The following KMT2E variants were observed in gnomAD, a reference collection of about 807,000 sequenced individuals.
KMT2E encodes histone reader KMT2E.
Under a neutral mutation model 184.6 loss-of-function variants are expected in KMT2E, and 30 were observed. The observed-to-expected ratio is 0.16, with a 90% confidence interval of 0.12 to 0.22. The LOEUF is 0.22. KMT2E is among the 10% of genes least tolerant of loss of function. KMT2E has a pLI of 1.00. For synonymous variants in KMT2E, 815 were observed against 776.5 expected (o/e 1.05, Z -0.82); for missense variants, 2,023 against 2,237.4 (o/e 0.90, Z 1.93).
chr7:105,017,640 TGAAA>T (rs1219244846), intron 1 of KMT2E, among the ~76,000 whole-genome samples: 4 of 152,192 alleles, frequency 2.6e-5, no homozygotes, highest in Admixed American at 6.5e-5. Flanking sequence ...CAGAGAGTTT[TGAAA>T]GAATTTGGTT....
Position 105,110,807 on chromosome 7 carries a change from A to G in KMT2E, c.4007A>G (p.Asn1336Ser), listed in dbSNP as rs1799203769. 6.2e-7 allele frequency: 1 copy of G among 1,614,124 alleles called. No individual in the cohort carries two copies. Among genetic ancestry groups the G allele is most frequent in the Non-Finnish European group, 8.5e-7 (1 of 1,179,968 alleles). ...GAAAATCCAGAACCCACAACTACGA[A>G]TGAATGTCCATCCCCAGATACTTCT... ...DPENPEPTTT[N>S]ECPSPDTSQN... is the part of the protein sequence containing the mutation. Residue 1336 changes from asparagine to serine, a missense_variant, in exon 26 of 27, where the codon AAT becomes AGT. Physicochemically the swap from Asn to Ser is conservative, Grantham distance 46 (BLOSUM62 1). Around this residue, in one of 8 missense-constraint regions of KMT2E, gnomAD observed 1,108 missense variants for 1,050.9 expected, o/e 1.05. Coordinates refer to ENST00000311117, the MANE Select transcript of KMT2E (RefSeq NM_182931.3).
At chr7:105,093,306 G>A (rs1421169384) in intron 15 of KMT2E, among the ~76,000 whole-genome samples, 1 of 152,148 alleles carries the variant, frequency 6.6e-6, no homozygotes, top group Non-Finnish European at 1.5e-5. Flanking sequence ...TTTGTATGGG[G>A]CTACTTTAAA....
chr7:105,083,107 CT>C (rs1238108410), intron 13 of KMT2E, among the ~76,000 whole-genome samples: 1 of 152,122 alleles, frequency 6.6e-6, no homozygotes, highest in East Asian at 1.9e-4. Context: ...GATGTAAATC[CT>C]GTGAAGTCAT....
intron 1 of KMT2E, among the ~76,000 whole-genome samples, chr7:105,030,916 G>C (rs149076361): frequency 6.6e-6 from 1 of 152,164 alleles, no homozygotes; most frequent in South Asian, 2.1e-4. Context: ...CTATTAATTA[G>C]ATTTTATGCA....
At chr7:105,040,775 C>G in intron 2 of KMT2E, 64 bp from the exon 3 acceptor site, 1 of 393,996 alleles carries the variant, frequency 2.5e-6, no homozygotes, top group Non-Finnish European at 4.5e-6. Flanking sequence ...ATGTTTTCTT[C>G]ATGTTATTTT....
chr7:105,109,255 C>G, intron 23 of KMT2E, 27 bp downstream of exon 23: 1 of 1,598,266 alleles, frequency 6.3e-7, no homozygotes, highest in South Asian at 1.1e-5. Context: ...GTATGCTACT[C>G]TGGAAAAAAC....
intron 5 of KMT2E, 155 bp downstream of exon 5, chr7:105,063,735 A>G (rs1179999571): frequency 6.9e-6 from 4 of 583,726 alleles, no homozygotes; most frequent in Middle Eastern, 4.4e-4. Context: ...AAAGCCTCCT[A>G]TGTGAAAAAA....
At chr7:105,070,403 G>T (rs1797233307) in intron 6 of KMT2E, among the ~76,000 whole-genome samples, 3 of 151,950 alleles carry the variant, frequency 2.0e-5, no homozygotes, top group Admixed American at 1.3e-4. Context: ...GGCTGAGGCG[G>T]GTGGATCACT....
At chr7:105,064,164 GTTTTTTTTTTTTTT>G (rs66946883) in intron 5 of KMT2E, 19 of 76,150 alleles carry the variant, frequency 2.5e-4, no homozygotes, top group South Asian at 3.6e-4. Flanking sequence ...TTTTTTCTTG[GTTTTTTTTTTTTTT>G]TTTTTTTTTT....
At chr7:105,099,575 A>G (rs1428408938) in intron 15 of KMT2E, among the ~76,000 whole-genome samples, 1 of 152,168 alleles carries the variant, frequency 6.6e-6, no homozygotes, top group Non-Finnish European at 1.5e-5. Context: ...CTTGTATCCC[A>G]AACAAGAAAA....
At chr7:105,029,451 A>G (rs1419126838) in intron 1 of KMT2E, among the ~76,000 whole-genome samples, 1 of 152,210 alleles carries the variant, frequency 6.6e-6, no homozygotes, top group Non-Finnish European at 1.5e-5. Context: ...GGAGGAGGGA[A>G]ATGCTTAAAC....
In KMT2E at chr7:105,114,643, T is replaced by C. The variant is rs995677073; in HGVS notation, c.*1310T>C. Among the ~76,000 whole-genome samples the C allele has an allele frequency of 1.3e-5, 2 of 152,242 alleles. No individual in the cohort carries two copies. The highest frequency in any genetic ancestry group is 2.9e-5 in the Non-Finnish European group (2 of 68,040). ...ACTGTTTTATCAATCAACATATTTT[T>C]CATCATCCAATTACCTGACATAATT... On this transcript the variant is annotated 3_prime_UTR_variant, in exon 27 of 27. Coordinates refer to ENST00000311117, the MANE Select transcript of KMT2E (RefSeq NM_182931.3).
At chr7:105,070,825 G>C (rs1324530375) in intron 6 of KMT2E, among the ~76,000 whole-genome samples, 1 of 151,204 alleles carries the variant, frequency 6.6e-6, no homozygotes, top group Non-Finnish European at 1.5e-5. Context: ...AAACAGAATT[G>C]TTTTTTGTAT....
chr7:105,062,058 T>C (rs1409261695), intron 3 of KMT2E, 106 bp from the exon 4 acceptor site: 2 of 742,000 alleles, frequency 2.7e-6, no homozygotes, highest in East Asian at 5.0e-5. Context: ...AGATACTGTA[T>C]TTGTATAGCC....
At chr7:105,047,989 C>T (rs985774223) in intron 3 of KMT2E, among the ~76,000 whole-genome samples, 1 of 152,072 alleles carries the variant, frequency 6.6e-6, no homozygotes, top group African/African-American at 2.4e-5. Context: ...ATGGAAATAC[C>T]GTTTGTTTCA....
In KMT2E at chr7:105,106,636, C is replaced by G; in HGVS notation, c.2711C>G (p.Thr904Ser). The part of the protein sequence containing the change: ...PYATPTHTDI[T>S]PMDPSFATPP... ...GCTACACCAACTCACACCGATATTA[C>G]TCCTATGGACCCATCTTTTGCCACG... The change falls in exon 20 of 27, where the codon ACT (threonine) becomes AGT (serine). Residue 904 changes from threonine (T) to serine (S), a missense_variant. Thr to Ser is a moderately conservative substitution (Grantham distance 58). This residue lies in a region of KMT2E where 514 missense variants were observed against 621.8 expected (regional missense o/e 0.83). Transcript: ENST00000311117. 1 of 1,614,132 alleles carries G rather than the reference C, an allele frequency of 6.2e-7. No individual in the cohort carries two copies. Among genetic ancestry groups the G allele is most frequent in the Non-Finnish European group, 8.5e-7 (1 of 1,179,986 alleles).
intron 6 of KMT2E, among the ~76,000 whole-genome samples, 193 bp downstream of exon 6, chr7:105,067,000 T>C (rs1797051840): frequency 7.0e-6 from 1 of 143,728 alleles, no homozygotes; most frequent in South Asian, 2.1e-4. Context: ...GAGGCTGCAG[T>C]GAGCTTTGAT....
chr7:105,107,900 C>A lies in KMT2E; in HGVS notation c.3443C>A (p.Pro1148His). ...NDNLIDGNCTPQNPPQKKKVS... is the reference protein window; with the variant it reads ...NDNLIDGNCTHQNPPQKKKVS... Reference sequence around the variant, plus strand: ...AATTTGATCGACGGGAATTGCACACCCCAGAATCCACCACAAAAGAAAAAG... The same window carrying A: ...AATTTGATCGACGGGAATTGCACACACCAGAATCCACCACAAAAGAAAAAG... Residue 1148 changes from proline (P) to histidine (H), a missense_variant, in exon 22 of 27, where the codon CCC becomes CAC. Physicochemically the swap from Pro to His is moderately conservative, Grantham distance 77. Transcript: ENST00000311117. 3 of 1,605,368 alleles carry A rather than the reference C, an allele frequency of 1.9e-6. No individual in the cohort carries two copies. Among genetic ancestry groups the A allele is most frequent in the Non-Finnish European group, 2.6e-6 (3 of 1,175,452 alleles).
At chr7:105,111,474 A>G (rs1355316044) in intron 26 of KMT2E, among the ~76,000 whole-genome samples, 7 of 152,200 alleles carry the variant, frequency 4.6e-5, no homozygotes, top group Non-Finnish European at 8.8e-5. Flanking sequence ...AGAAATTTCA[A>G]TTATAAAATT....
Sources: allele counts gnomAD v4.1 joint callset (sites outside exome capture counted in the v4.1 genomes callset), GRCh38; gene constraint gnomAD v4.1.1; regional missense constraint gnomAD v4.1.1; transcripts MANE v1.5; gene names NCBI Gene and HGNC (gene_info 2026-07-23, HGNC 2026-07-21).